Variants in TMEM131 observed in about 807,000 individuals in gnomAD.
TMEM131 encodes transmembrane protein 131, also known as 2610524E03Rik.
Under a neutral mutation model 211.6 loss-of-function variants are expected in TMEM131, and 66 were observed. That is an observed-to-expected ratio of 0.31 (90% confidence interval 0.26 to 0.38). The LOEUF (loss-of-function observed/expected upper bound fraction) is 0.38, where lower values mean the gene tolerates loss of function less well. Ranked by LOEUF, TMEM131 falls within the 10% of genes least tolerant of loss-of-function variation. The pLI, the probability that TMEM131 is intolerant of heterozygous loss-of-function variation, is 1.00. For synonymous variants in TMEM131, 844 were observed against 841.3 expected (o/e 1.00, Z -0.06); for missense variants, 2,036 against 2,299.3 (o/e 0.89, Z 2.34).
At chr2:97,993,979 G>A (rs1680373638) in intron 1 of TMEM131, among the ~76,000 whole-genome samples, 1 of 152,244 alleles carries the variant, frequency 6.6e-6, no homozygotes, top group South Asian at 2.1e-4. Context: ...CATGAAGACA[G>A]TCATTCACTC....
Position 97,888,130 on chromosome 2 carries a change from AAAAG to A in TMEM131, c.291-14_291-11del, listed in dbSNP as rs1296491090. The A allele has an allele frequency of 6.2e-7, 1 of 1,606,874 alleles. No homozygotes were observed. The highest frequency in any genetic ancestry group is 8.5e-7 in the Non-Finnish European group (1 of 1,174,748). On this transcript the variant is annotated splice_polypyrimidine_tract_variant and intron_variant, in intron 3 of 40. Coordinates refer to ENST00000186436, the MANE Select transcript of TMEM131 (RefSeq NM_015348.2). ...CCGGTAGAGAGATATACTGTAAATA[AAAAG>A]AAAACAACATAAGAAGCAATTCTTC...
intron 12 of TMEM131, among the ~76,000 whole-genome samples, chr2:97,818,033 G>A (rs898272006): frequency 6.6e-6 from 1 of 152,084 alleles, no homozygotes; most frequent in African/African-American, 2.4e-5. Context: ...ATTAAAGTAG[G>A]CAAAACTAAA....
At position 97,766,538 on chromosome 2, in the gene TMEM131, T is replaced by G. The variant is rs768668704; in HGVS notation, c.4513A>C (p.Ile1505Leu). The change falls in exon 34 of 41, where the codon ATT becomes CTT. Residue 1505 changes from isoleucine to leucine, a missense_variant. Physicochemically the swap from Ile to Leu is conservative, Grantham distance 5 (BLOSUM62 2). Transcript: ENST00000186436. ...CTTGTCATTGCAGTTGGAAGAGGAA[T>G]CTTGCTTGGGAGATTTCTACGTTGC... Reference protein sequence around the residue: ...SKQRRNLPSKIPLPTAMTSGS... With the variant: ...SKQRRNLPSKLPLPTAMTSGS... 6.2e-7 allele frequency: 1 copy of G among 1,614,028 alleles called. No homozygotes were observed. The highest frequency in any genetic ancestry group is 1.1e-5 in the South Asian group (1 of 91,090).
chr2:97,906,541 G>A (rs1370655539), intron 3 of TMEM131, among the ~76,000 whole-genome samples: 2 of 152,176 alleles, frequency 1.3e-5, no homozygotes, highest in Non-Finnish European at 2.9e-5. Flanking sequence ...TCCAAGGGCA[G>A]ATTAAGGTGA....
intron 2 of TMEM131, among the ~76,000 whole-genome samples, chr2:97,922,917 A>G (rs990656292): frequency 1.3e-5 from 2 of 152,214 alleles, no homozygotes; most frequent in African/African-American, 4.8e-5. Flanking sequence ...AAAAAAAATA[A>G]ATGAATCAAA....
chr2:97,841,571 GAC>G (rs1683196176), intron 7 of TMEM131, among the ~76,000 whole-genome samples: 1 of 152,094 alleles, frequency 6.6e-6, no homozygotes, highest in Non-Finnish European at 1.5e-5. Context: ...CACCAGAGAA[GAC>G]ACAGTCGTTT....
At chr2:97,845,554 CAATATT>C (rs1207899407) in intron 5 of TMEM131, among the ~76,000 whole-genome samples, 2 of 151,904 alleles carry the variant, frequency 1.3e-5, no homozygotes, top group African/African-American at 2.4e-5. Context: ...AATGAAAGCA[CAATATT>C]AAAATCTGTA....
chr2:97,815,930 C>T (rs1681806809), intron 12 of TMEM131, among the ~76,000 whole-genome samples: 1 of 152,172 alleles, frequency 6.6e-6, no homozygotes, highest in Admixed American at 6.5e-5. Flanking sequence ...CAGAGCTCTT[C>T]TCAAAAACCA....
chr2:97,875,604 G>C (rs1189331241), intron 4 of TMEM131, among the ~76,000 whole-genome samples: 1 of 152,154 alleles, frequency 6.6e-6, no homozygotes, highest in Non-Finnish European at 1.5e-5. Context: ...TGAACAACCT[G>C]CTCCTGAATG....
At chr2:97,856,093 C>T (rs112114880) in intron 5 of TMEM131, among the ~76,000 whole-genome samples, 1 of 152,052 alleles carries the variant, frequency 6.6e-6, no homozygotes, top group African/African-American at 2.4e-5. Context: ...ATAAAGAAAA[C>T]ATTTTTGTTT....
chr2:97,833,958 C>T (rs752375993), intron 10 of TMEM131, among the ~76,000 whole-genome samples: 176 of 152,186 alleles, frequency 1.2e-3, no homozygotes, highest in Non-Finnish European at 9.7e-4. Flanking sequence ...CCATCATGCC[C>T]AGCCCCCCAA....
chr2:97,759,530 C>A lies in TMEM131; in HGVS notation c.5206+122G>T, dbSNP rs984004341. 11 of 818,274 alleles carry A rather than the reference C, an allele frequency of 1.3e-5. No individual in the cohort carries two copies. The African/African-American group carries it at 1.7e-4, about 13-fold the overall frequency. The allele number at this position is 818,274 out of a possible 1,614,324, so 50.7% of individuals were successfully genotyped here. A position where few individuals can be genotyped will look rare whatever the true frequency, so the allele number is the denominator to read the frequency against. ...AGGGGAGGGGACCCTTCCCAGGGAG[C>A]TTCCTGCGGGGCCTCTTCCACAGTG... On this transcript the variant is annotated intron_variant, in intron 39 of 40. Coordinates refer to ENST00000186436, the MANE Select transcript of TMEM131 (RefSeq NM_015348.2).
At chr2:97,941,304 A>C (rs893821757) in intron 1 of TMEM131, among the ~76,000 whole-genome samples, 2 of 152,110 alleles carry the variant, frequency 1.3e-5, no homozygotes, top group Non-Finnish European at 2.9e-5. Context: ...CCTTCCTTAC[A>C]CCTTATACAA....
At chr2:97,780,241 T>C (rs1276106184) in intron 31 of TMEM131, among the ~76,000 whole-genome samples, 1 of 152,138 alleles carries the variant, frequency 6.6e-6, no homozygotes, top group Non-Finnish European at 1.5e-5. Context: ...ATTGGGGGAA[T>C]TCTGAGTCAC....
rs116369039 is a variant in TMEM131 at position 97,927,546 on chromosome 2, A to G, written c.188-59T>C. The G allele has an allele frequency of 8.4e-3, 11,369 of 1,353,572 alleles. 56 individuals carry two copies. The highest frequency in any genetic ancestry group is 0.011 in the Admixed American group (439 of 38,876). 83.8% of individuals were successfully genotyped at this position (1,353,572 alleles called of 1,614,324 possible). A position where few individuals can be genotyped will look rare whatever the true frequency, so the allele number is the denominator to read the frequency against. On this transcript the variant is annotated intron_variant, in intron 1 of 40. Transcript: ENST00000186436. The stretch of plus-strand genomic sequence containing the variant: ...GGAACATAAATTTGATTTTCATAAC[A>G]TCTTTGACTTTAAAGTTAATTAATA...
chr2:97,816,520 G>A (rs1179649232), intron 12 of TMEM131, among the ~76,000 whole-genome samples: 2 of 152,136 alleles, frequency 1.3e-5, no homozygotes, highest in Non-Finnish European at 2.9e-5. Flanking sequence ...TCATATGTGA[G>A]TTCCGCAAAT....
intron 4 of TMEM131, 45 bp from the exon 5 acceptor site, chr2:97,859,472 T>C: frequency 6.9e-7 from 1 of 1,452,848 alleles, no homozygotes; most frequent in Non-Finnish European, 9.1e-7. Flanking sequence ...CACAGATAAT[T>C]CTGATTATTT....
At chr2:97,797,962 C>G (rs1680844560) in intron 25 of TMEM131, among the ~76,000 whole-genome samples, 1 of 152,214 alleles carries the variant, frequency 6.6e-6, no homozygotes, top group Non-Finnish European at 1.5e-5. Flanking sequence ...CTGAAGGGGA[C>G]CAGGGCCAAC....
intron 1 of TMEM131, among the ~76,000 whole-genome samples, chr2:97,979,258 G>C (rs1679681697): frequency 1.3e-5 from 2 of 152,152 alleles, no homozygotes; most frequent in African/African-American, 4.8e-5. Flanking sequence ...AATTTTTTCA[G>C]CATGACAGAT....
Sources: allele counts gnomAD v4.1 joint callset (sites outside exome capture counted in the v4.1 genomes callset), GRCh38; gene constraint gnomAD v4.1.1; transcripts MANE v1.5; gene names NCBI Gene and HGNC (gene_info 2026-07-23, HGNC 2026-07-21).